Variants in GRIK4 observed in about 807,000 individuals in gnomAD.
GRIK4 encodes the protein glutamate receptor ionotropic, kainate 4.
In GRIK4, 40 loss-of-function variants were observed where a neutral mutation model predicts 104.9. The ratio of observed to expected loss-of-function variants is 0.38; its 90% CI spans 0.30 to 0.50. The LOEUF (loss-of-function observed/expected upper bound fraction) is 0.50. Ranked by LOEUF, GRIK4 falls within the 20% of genes least tolerant of loss-of-function variation. GRIK4 has a pLI of 0.93. For missense variants in GRIK4, 1,047 were observed against 1,308.1 expected (o/e 0.80, Z 3.08); for synonymous variants, 485 against 524.9 (o/e 0.92, Z 1.04).
chr11:120,768,184 G>A (rs185381450), intron 3 of GRIK4, among the ~76,000 whole-genome samples: 1 of 152,002 alleles, frequency 6.6e-6, no homozygotes, highest in Non-Finnish European at 1.5e-5. Flanking sequence ...TCATTAACAT[G>A]GGATATCTTT....
chr11:120,553,875 G>T (rs1689755697), intron 1 of GRIK4, among the ~76,000 whole-genome samples: 1 of 152,146 alleles, frequency 6.6e-6, no homozygotes, highest in African/African-American at 2.4e-5. Flanking sequence ...GAGTGGAGGG[G>T]GACAGAGGAG....
chr11:120,667,571 C>T (rs764715595), intron 3 of GRIK4, among the ~76,000 whole-genome samples: 1 of 152,238 alleles, frequency 6.6e-6, no homozygotes, highest in Non-Finnish European at 1.5e-5. Context: ...AACAGGCACA[C>T]GTTCCCTATC....
chr11:120,731,838 G>T (rs888832400), intron 3 of GRIK4, among the ~76,000 whole-genome samples: 8 of 152,172 alleles, frequency 5.3e-5, no homozygotes, highest in Admixed American at 3.3e-4. Flanking sequence ...CAATTTATTG[G>T]TATATAGTTG....
At chr11:120,584,845 G>A (rs530151761) in intron 1 of GRIK4, among the ~76,000 whole-genome samples, 1 of 152,294 alleles carries the variant, frequency 6.6e-6, no homozygotes, top group Non-Finnish European at 1.5e-5. Context: ...TTTTAGTTCT[G>A]TTTATGTGGT....
intron 3 of GRIK4, among the ~76,000 whole-genome samples, chr11:120,776,892 T>G (rs1424381887): frequency 6.6e-6 from 1 of 152,180 alleles, no homozygotes; most frequent in Non-Finnish European, 1.5e-5. Context: ...AAGAGTCCCC[T>G]TACATAGAAG....
At chr11:120,542,551 T>C (rs772102299) in intron 1 of GRIK4, among the ~76,000 whole-genome samples, 1 of 152,222 alleles carries the variant, frequency 6.6e-6, no homozygotes, top group Non-Finnish European at 1.5e-5. Flanking sequence ...TTGCAAGCCA[T>C]ATATTTGATA....
chr11:120,784,005 C>T (rs945679856), intron 3 of GRIK4, among the ~76,000 whole-genome samples: 11 of 152,136 alleles, frequency 7.2e-5, no homozygotes, highest in South Asian at 4.1e-4. Context: ...GGACAGGGAG[C>T]GAGGCAGGGT....
intron 13 of GRIK4, among the ~76,000 whole-genome samples, chr11:120,934,545 G>C (rs1282040075): frequency 2.0e-5 from 3 of 152,192 alleles, no homozygotes; most frequent in Admixed American, 6.5e-5. Context: ...AATGGTGGCA[G>C]CTGCACGGCC....
At position 120,776,980 on chromosome 11, in the gene GRIK4, C is replaced by T. The variant is rs564247743; in HGVS notation, c.83-25713C>T. ...ATCAACCCCCATTGTGTTCAGGGAG[C>T]TACGAGGGGGGTGTGAGTACCAGGA... is the stretch of plus-strand genomic sequence containing the variant. On this transcript the variant is annotated intron_variant, in intron 3 of 20. Coordinates refer to ENST00000527524, the MANE Select transcript of GRIK4 (RefSeq NM_014619.5). Among the ~76,000 whole-genome samples the T allele has an allele frequency of 2.6e-5, 4 of 152,252 alleles. No individual in the cohort carries two copies. In the East Asian group the frequency reaches 7.7e-4, roughly 29 times the overall value.
intron 9 of GRIK4, among the ~76,000 whole-genome samples, chr11:120,865,079 A>G (rs1954371266): frequency 6.6e-6 from 1 of 152,280 alleles, no homozygotes; most frequent in South Asian, 2.1e-4. Flanking sequence ...ATAACAACCT[A>G]TATATGCCAG....
At chr11:120,574,971 T>C (rs1056685096) in intron 1 of GRIK4, among the ~76,000 whole-genome samples, 1 of 152,226 alleles carries the variant, frequency 6.6e-6, no homozygotes, top group Non-Finnish European at 1.5e-5. Flanking sequence ...CTAAAGACTA[T>C]ATCTTCTGCA....
rs1304592681 is a variant in GRIK4 at position 120,986,152 on chromosome 11, C to T, written c.2763C>T (p.Val921=). 2 of 1,541,484 alleles carry T rather than the reference C, an allele frequency of 1.3e-6. No individual in the cohort carries two copies. Among genetic ancestry groups the T allele is most frequent in the African/African-American group, 2.8e-5 (2 of 70,658 alleles). Residue 921 remains valine (V), a synonymous_variant, in exon 21 of 21, where the codon GTC becomes GTT. Transcript: ENST00000527524. The part of the protein sequence containing the change: ...LVARGCTHIR[V]CPECRRFQGL... Reference sequence around the variant, plus strand: ...CCCGCGGCTGCACGCACATCCGCGTCTGCCCCGAGTGCCGCCGCTTCCAGG... The same window carrying T: ...CCCGCGGCTGCACGCACATCCGCGTTTGCCCCGAGTGCCGCCGCTTCCAGG...
intron 7 of GRIK4, among the ~76,000 whole-genome samples, chr11:120,835,464 G>T (rs977578960): frequency 2.6e-5 from 4 of 152,192 alleles, no homozygotes; most frequent in African/African-American, 9.7e-5. Context: ...GGAGGCGGAG[G>T]TTGCAGTGAG....
At chr11:120,732,657 C>G (rs945077274) in intron 3 of GRIK4, among the ~76,000 whole-genome samples, 1 of 152,048 alleles carries the variant, frequency 6.6e-6, no homozygotes, top group Non-Finnish European at 1.5e-5. Context: ...CCAAATTCCT[C>G]TTGTTATTGA....
At chr11:120,773,879 G>T (rs1462731487) in intron 3 of GRIK4, among the ~76,000 whole-genome samples, 1 of 152,166 alleles carries the variant, frequency 6.6e-6, no homozygotes, top group Non-Finnish European at 1.5e-5. Flanking sequence ...GTGGTCACAG[G>T]CTGGTAATGC....
chr11:120,926,658 T>C (rs953511072), intron 13 of GRIK4, among the ~76,000 whole-genome samples: 1 of 152,206 alleles, frequency 6.6e-6, no homozygotes, highest in Non-Finnish European at 1.5e-5. Flanking sequence ...GAGAATAATG[T>C]TAACTGAGCT....
intron 1 of GRIK4, among the ~76,000 whole-genome samples, chr11:120,548,141 C>T (rs1948104688): frequency 6.6e-6 from 1 of 152,162 alleles, no homozygotes; most frequent in Non-Finnish European, 1.5e-5. Flanking sequence ...GCCTGCTGGA[C>T]TCTGAGGCCC....
intron 5 of GRIK4, among the ~76,000 whole-genome samples, chr11:120,818,819 C>G (rs148931507): frequency 1.1e-4 from 17 of 152,334 alleles, no homozygotes; most frequent in Non-Finnish European, 2.2e-4. Context: ...CTGCTGTCTA[C>G]TATCGATCTT....
At chr11:120,901,994 C>T (rs1443375949) in intron 12 of GRIK4, among the ~76,000 whole-genome samples, 1 of 152,214 alleles carries the variant, frequency 6.6e-6, no homozygotes, top group East Asian at 1.9e-4. Flanking sequence ...TGTGTGCCTA[C>T]AGTGGCTGAT....
Sources: gnomAD v4.1 joint callset for allele counts (sites outside exome capture counted in the v4.1 genomes callset) on GRCh38, gnomAD v4.1.1 for gene constraint, MANE v1.5 for transcripts, NCBI Gene and HGNC (gene_info 2026-07-23, HGNC 2026-07-21) for gene names.